The following DOCK3 variants were observed in gnomAD, a reference collection of about 807,000 sequenced individuals.
The protein encoded by DOCK3 is dedicator of cytokinesis 3.
In DOCK3, 60 loss-of-function variants were observed where a neutral mutation model predicts 265.6. The ratio of observed to expected loss-of-function variants is 0.23; its 90% confidence interval spans 0.18 to 0.28. The LOEUF (loss-of-function observed/expected upper bound fraction) is 0.28, where lower values mean the gene tolerates loss of function less well. Ranked by LOEUF, DOCK3 falls within the 10% of genes least tolerant of loss-of-function variation. The probability of loss-of-function intolerance (pLI) is 1.00; values close to 1 mark genes in which losing one functional copy is unlikely to be tolerated. For synonymous variants in DOCK3, 881 were observed against 938.0 expected, an observed-to-expected ratio of 0.94 and a Z score of 1.11; for missense variants, 1,981 against 2,594.3, an observed-to-expected ratio of 0.76 and a Z score of 5.14.
intron 4 of DOCK3, among the ~76,000 whole-genome samples, chr3:50,924,878 T>G (rs2050680212): frequency 6.6e-6 from 1 of 152,180 alleles, no homozygotes; most frequent in Admixed American, 6.5e-5. Context: ...TGGTGTATGG[T>G]CTAAGGAAAA....
At chr3:50,860,240 C>G (rs746347086) in intron 3 of DOCK3, among the ~76,000 whole-genome samples, 9 of 152,104 alleles carry the variant, frequency 5.9e-5, no homozygotes, top group Non-Finnish European at 1.2e-4. Context: ...GGATAAGGCC[C>G]TTAGGGTCTT....
At chr3:51,162,324 C>G (rs983287350) in intron 12 of DOCK3, among the ~76,000 whole-genome samples, 1 of 152,212 alleles carries the variant, frequency 6.6e-6, no homozygotes, top group Non-Finnish European at 1.5e-5. Flanking sequence ...AAAACCCAAT[C>G]TCCTCATTAC....
Position 50,925,972 on chromosome 3 carries a change from C to T in DOCK3, c.219-8009C>T, listed in dbSNP as rs148920253. On this transcript the variant is annotated intron_variant, in intron 4 of 52. Coordinates refer to ENST00000266037, the MANE Select transcript of DOCK3 (RefSeq NM_004947.5). ...TCAGCCTCCTGAGTAGCTGGGATTA[C>T]AAGGCACGCACCACCAAGCCTGGCT... Among the ~76,000 whole-genome samples, 766 of 151,736 alleles carry T rather than the reference C, an allele frequency of 5.0e-3. 9 individuals are homozygous for T. Among genetic ancestry groups the T allele is most frequent in the African/African-American group, 0.016 (664 of 41,324 alleles).
chr3:51,064,491 A>G lies in DOCK3; in HGVS notation c.359A>G (p.Asn120Ser). The G allele has an allele frequency of 1.2e-6, 2 of 1,614,008 alleles. No homozygotes were observed. The highest frequency in any genetic ancestry group is 2.7e-5 in the African/African-American group (2 of 75,058). The change falls in exon 6 of 53, where the codon AAT becomes AGT. Residue 120 changes from asparagine to serine, a missense_variant. By Grantham distance (46) the Asn-to-Ser change is conservative (BLOSUM62 1). Transcript: ENST00000266037. ...DLFYKLRHVM[N>S]ELIDLRRQLL... is the part of the protein sequence containing the mutation. Reference sequence around the variant, plus strand: ...TTCTACAAACTACGCCATGTGATGAATGAACTTATTGACCTGCGAAGGCAG... The same window carrying G: ...TTCTACAAACTACGCCATGTGATGAGTGAACTTATTGACCTGCGAAGGCAG...
intron 1 of DOCK3, among the ~76,000 whole-genome samples, chr3:50,774,167 C>A (rs939261311): frequency 6.6e-6 from 1 of 151,922 alleles, no homozygotes; most frequent in Non-Finnish European, 1.5e-5. Context: ...TTCTTTACAA[C>A]TGAGAGGCTT....
chr3:51,283,367 T>C (rs1202339590), intron 27 of DOCK3, among the ~76,000 whole-genome samples: 1 of 152,224 alleles, frequency 6.6e-6, no homozygotes, highest in Non-Finnish European at 1.5e-5. Flanking sequence ...TGCCATGGTT[T>C]GGCTCCTAAT....
intron 3 of DOCK3, among the ~76,000 whole-genome samples, chr3:50,871,245 T>G (rs2107584015): frequency 6.6e-6 from 1 of 152,102 alleles, no homozygotes; most frequent in East Asian, 1.9e-4. Context: ...AGTCTTTATT[T>G]CTCCTTCATG....
intron 5 of DOCK3, among the ~76,000 whole-genome samples, chr3:50,986,922 T>C (rs2077924969): frequency 6.6e-6 from 1 of 152,258 alleles, no homozygotes; most frequent in Non-Finnish European, 1.5e-5. Context: ...GATCTTAAGG[T>C]GCTGGAGCCT....
chr3:50,971,035 T>TTA (rs78418244), intron 5 of DOCK3, among the ~76,000 whole-genome samples: 1 of 33,454 alleles, frequency 3.0e-5, no homozygotes, highest in African/African-American at 7.6e-5. Flanking sequence ...TCACTATGTT[T>TTA]CCCATGCTGG....
intron 1 of DOCK3, among the ~76,000 whole-genome samples, chr3:50,776,331 A>G (rs2041597527): frequency 6.6e-6 from 1 of 152,012 alleles, no homozygotes; most frequent in Non-Finnish European, 1.5e-5. Context: ...TTCCCAGAGG[A>G]TTAATGATAT....
rs781152044 is a variant in DOCK3 at position 51,362,593 on chromosome 3, G to A, written c.5212G>A (p.Ala1738Thr). The stretch of plus-strand genomic sequence containing the variant: ...CGTCTCTGTTCTGTCCTCGTCCCAG[G>A]CAAGCCCTTCTTCCTCCAGCCTGAG... Reference protein sequence around the residue: ...TNVSVLSSSQASPSSSSLSST... With the variant: ...TNVSVLSSSQTSPSSSSLSST... The change falls in exon 49 of 53, where the codon GCA becomes ACA. Residue 1738 changes from alanine (A) to threonine (T), a missense_variant. Coordinates refer to ENST00000266037, the MANE Select transcript of DOCK3 (RefSeq NM_004947.5). 1.2e-6 allele frequency: 2 copies of A among 1,613,906 alleles called. No individual in the cohort carries two copies. Among genetic ancestry groups the A allele is most frequent in the Non-Finnish European group, 8.5e-7 (1 of 1,179,874 alleles).
At chr3:50,894,803 A>G (rs1378215363) in intron 4 of DOCK3, among the ~76,000 whole-genome samples, 4 of 152,080 alleles carry the variant, frequency 2.6e-5, no homozygotes, top group Non-Finnish European at 4.4e-5. Flanking sequence ...CTTAATTTTA[A>G]GGGAACTATG....
intron 2 of DOCK3, among the ~76,000 whole-genome samples, chr3:50,804,756 G>A (rs1205832289): frequency 2.6e-5 from 4 of 151,834 alleles, no homozygotes; most frequent in Non-Finnish European, 5.9e-5. Flanking sequence ...AGACCGTGGG[G>A]AGAGGGAGAG....
intron 22 of DOCK3, among the ~76,000 whole-genome samples, chr3:51,249,656 G>A (rs1485096370): frequency 1.7e-5 from 2 of 120,838 alleles, no homozygotes; most frequent in Admixed American, 7.7e-5. Flanking sequence ...GGTGGGGGGG[G>A]GTCAGCCCCC....
chr3:51,078,991 TA>T (rs1560030740), intron 7 of DOCK3, among the ~76,000 whole-genome samples: 1 of 152,240 alleles, frequency 6.6e-6, no homozygotes, highest in African/African-American at 2.4e-5. Flanking sequence ...ACACATTTAT[TA>T]AAAACCACTT....
chr3:50,846,866 C>T (rs1278512365), intron 3 of DOCK3, among the ~76,000 whole-genome samples: 2 of 152,170 alleles, frequency 1.3e-5, no homozygotes, highest in Middle Eastern at 3.4e-3. Context: ...TATAATGTCA[C>T]CTTTGTCATT....
At chr3:50,882,807 C>G (rs1210263404) in intron 3 of DOCK3, among the ~76,000 whole-genome samples, 2 of 152,204 alleles carry the variant, frequency 1.3e-5, no homozygotes, top group Non-Finnish European at 2.9e-5. Flanking sequence ...GCTATAAAGA[C>G]ACATGCACAC....
intron 1 of DOCK3, among the ~76,000 whole-genome samples, chr3:50,692,145 A>G (rs1429000390): frequency 6.6e-6 from 1 of 152,098 alleles, no homozygotes; most frequent in Non-Finnish European, 1.5e-5. Flanking sequence ...TTGAACTTCT[A>G]TCTTCTAGAG....
intron 12 of DOCK3, among the ~76,000 whole-genome samples, chr3:51,202,685 G>C (rs551986788): frequency 6.6e-6 from 1 of 151,970 alleles, no homozygotes; most frequent in Non-Finnish European, 1.5e-5. Flanking sequence ...AGCATCATCC[G>C]GATACCAAAG....
Sources: gnomAD v4.1 joint callset for allele counts (sites outside exome capture counted in the v4.1 genomes callset) on GRCh38, gnomAD v4.1.1 for gene constraint, MANE v1.5 for transcripts, NCBI Gene and HGNC (gene_info 2026-07-23, HGNC 2026-07-21) for gene names.